PLEC: variants seen among roughly 807,000 people sequenced by gnomAD.
PLEC encodes plectin, also known as hemidesmosomal protein 1.
In PLEC, 216 loss-of-function variants were observed where a neutral mutation model predicts 392.8. That is an observed-to-expected ratio of 0.55 (90% CI 0.49 to 0.62). PLEC has a LOEUF of 0.62. PLEC is among the 20% of genes least tolerant of loss of function. The pLI is 0.00. For synonymous variants in PLEC, 3,621 were observed against 2,980.6 expected, an observed-to-expected ratio of 1.21 and a Z score of -7.00; for missense variants, 6,863 against 6,563.4, an observed-to-expected ratio of 1.05 and a Z score of -1.58.
intron 1 of PLEC, among the ~76,000 whole-genome samples, chr8:143,964,203 G>A (rs1351137440): frequency 2.6e-5 from 4 of 152,324 alleles, no homozygotes; most frequent in Admixed American, 1.3e-4. Context: ...TGGGGCAGAT[G>A]TAAGTTTTGA....
chr8:143,917,194 G>A lies in PLEC; in HGVS notation c.12627C>T (p.Ile4209=), dbSNP rs372573622. The A allele has an allele frequency of 2.4e-5, 39 of 1,612,862 alleles. No homozygotes were observed. The highest frequency in any genetic ancestry group is 1.2e-4 in the African/African-American group (9 of 75,062). ...SGRQYDIDDA[I]AKNLIDRSAL... ...CCGAGCGGTCGATGAGGTTCTTGGC[G>A]ATGGCATCATCGATGTCGTACTGGC... Residue 4209 remains isoleucine, a synonymous_variant, in exon 32 of 32, where the codon ATC becomes ATT. Transcript: ENST00000345136.
upstream of PLEC, chr8:143,951,017 C>G: frequency 2.0e-6 from 1 of 501,368 alleles, no homozygotes; most frequent in South Asian, 2.3e-5. Flanking sequence ...CGACGGGGCC[C>G]TTGTAGAGTG....
At chr8:143,950,770 C>G in exon 1 of PLEC, 1 of 1,532,548 alleles carries the variant, frequency 6.5e-7, no homozygotes, top group Non-Finnish European at 8.7e-7. Context: ...ACGAGAAGGC[C>G]CGGGGCGCTG....
At chr8:143,950,629 C>A in exon 1 of PLEC, 1 of 1,599,782 alleles carries the variant, frequency 6.3e-7, no homozygotes, top group Non-Finnish European at 8.5e-7. Context: ...CCTTCTTGGC[C>A]ACCATCACGC....
At chr8:143,932,063 GC>G (rs1177645748) in intron 17 of PLEC, 31 bp from the exon 18 acceptor site, 1 of 1,549,782 alleles carries the variant, frequency 6.5e-7, no homozygotes, top group African/African-American at 1.4e-5. Flanking sequence ...GTCAGGCCCC[GC>G]CCCGCCCCGC....
Position 143,924,422 on chromosome 8 carries a change from G to A in PLEC, c.5507C>T (p.Ala1836Val), listed in dbSNP as rs782216341. ...RQRAEAERVL[A>V]EKLAAIGEAT... ...CTCGCCGATGGCGGCCAGCTTCTCC[G>A]CAAGCACCCGCTCCGCCTCGGCCCG... The change falls in exon 31 of 32, where the codon GCG becomes GTG. Residue 1836 changes from alanine to valine, a missense_variant. Coordinates refer to ENST00000345136, the MANE Select transcript of PLEC (RefSeq NM_201384.3). 4.4e-5 allele frequency: 70 copies of A among 1,589,434 alleles called. No individual in the cohort carries two copies. The highest frequency in any genetic ancestry group is 2.0e-4 in the Admixed American group (12 of 59,476).
upstream of PLEC, chr8:143,943,995 C>G (rs1384396903): frequency 2.0e-6 from 3 of 1,521,682 alleles, no homozygotes; most frequent in South Asian, 2.4e-5. Flanking sequence ...GGGGGAGCGC[C>G]GGGACCGGAG....
At chr8:143,933,139 G>T in intron 13 of PLEC, 28 bp from the exon 14 acceptor site, 1 of 1,604,232 alleles carries the variant, frequency 6.2e-7, no homozygotes. Flanking sequence ...TCAGGTAGGT[G>T]TTGGCGGGCC....
chr8:143,942,659 G>T, upstream of PLEC: 1 of 1,084,728 alleles, frequency 9.2e-7, no homozygotes, highest in Non-Finnish European at 1.3e-6. Context: ...TCCGCCCACT[G>T]CGGGAGCGAG....
At chr8:143,938,571 C>T (rs1372263207) in intron 2 of PLEC, 60 bp downstream of exon 2, 2 of 1,581,862 alleles carry the variant, frequency 1.3e-6, no homozygotes, top group African/African-American at 2.7e-5. Flanking sequence ...AGGGGCCACC[C>T]TCCCTCAGCG....
rs782815818 is a variant in PLEC, at chr8:143,939,328, T to TGCCCGAGGGGA, written c.112+11_112+21dup. On this transcript the variant is annotated intron_variant, in intron 1 of 31. Coordinates refer to ENST00000345136, the MANE Select transcript of PLEC (RefSeq NM_201384.3). The stretch of plus-strand genomic sequence containing the variant: ...AGGGGCCCGCCCTGCCTGGCGGGGG[T>TGCCCGAGGGGA]GCCCGAGGGGAGCCCTGCTACCTTT... 1.7e-5 allele frequency: 28 copies of TGCCCGAGGGGA among 1,600,444 alleles called. No individual in the cohort carries two copies. In the Admixed American group the frequency reaches 4.8e-4, roughly 27 times the overall value.
upstream of PLEC, among the ~76,000 whole-genome samples, chr8:143,941,053 C>T (rs1409955015): frequency 1.3e-5 from 2 of 152,236 alleles, no homozygotes; most frequent in Non-Finnish European, 2.9e-5. Flanking sequence ...CCCAAGGGCA[C>T]CCCGGACCCC....
At chr8:143,956,128 A>G (rs1190384887), upstream of PLEC, among the ~76,000 whole-genome samples, 2 of 151,918 alleles carry the variant, frequency 1.3e-5, no homozygotes, top group Non-Finnish European at 2.9e-5. Context: ...TTGTATTTTC[A>G]GTTGAGATGG....
chr8:143,949,741 A>G (rs535198423), intron 1 of PLEC, among the ~76,000 whole-genome samples: 1 of 151,400 alleles, frequency 6.6e-6, no homozygotes, highest in South Asian at 2.1e-4. Context: ...TCACCCATCA[A>G]CCCCCGCGGC....
chr8:143,930,938 TGCCGACCTCAGAG>T (rs1422429688), intron 19 of PLEC, among the ~76,000 whole-genome samples: 1 of 152,132 alleles, frequency 6.6e-6, no homozygotes, highest in Non-Finnish European at 1.5e-5. Context: ...GGCCCAGCCC[TGCCGACCTCAGAG>T]GCCATTTCAG....
intron 1 of PLEC, among the ~76,000 whole-genome samples, chr8:143,960,859 T>C (rs1832839396): frequency 6.6e-6 from 1 of 152,232 alleles, no homozygotes; most frequent in Non-Finnish European, 1.5e-5. Context: ...AAATACCATG[T>C]GATTCTTGGT....
chr8:143,942,705 C>T (rs1275328636), upstream of PLEC, among the ~76,000 whole-genome samples: 1 of 152,386 alleles, frequency 6.6e-6, no homozygotes, highest in East Asian at 1.9e-4. Flanking sequence ...GGCGCGCAGC[C>T]CCGCCCAGCG....
chr8:143,945,900 G>A (rs1687878033), intron 1 of PLEC, among the ~76,000 whole-genome samples: 2 of 152,274 alleles, frequency 1.3e-5, no homozygotes, highest in African/African-American at 4.8e-5. Flanking sequence ...GGCGGCCAGG[G>A]GTCGGGCGGG....
At position 143,923,165 on chromosome 8, in the gene PLEC, A is replaced by T. The variant is rs1823516339; in HGVS notation, c.6764T>A (p.Ile2255Asn). 2 of 1,602,446 alleles carry T rather than the reference A, an allele frequency of 1.2e-6. No individual in the cohort carries two copies. The highest frequency in any genetic ancestry group is 1.7e-6 in the Non-Finnish European group (2 of 1,179,846). ...CTGCGTATTGTCCTTGTCACGCAAG[A>T]TGAGTGCGCGGTTCTCAGCCTCGAT... ...ARIEAENRALILRDKDNTQRF... is the reference protein window; with the variant it reads ...ARIEAENRALNLRDKDNTQRF... The change falls in exon 31 of 32, where the codon ATC (isoleucine) becomes AAC (asparagine). Residue 2255 changes from isoleucine (I) to asparagine (N), a missense_variant. Coordinates refer to ENST00000345136, the MANE Select transcript of PLEC (RefSeq NM_201384.3).
Sources: allele counts gnomAD v4.1 joint callset (sites outside exome capture counted in the v4.1 genomes callset), GRCh38; gene constraint gnomAD v4.1.1; transcripts MANE v1.5; gene names NCBI Gene and HGNC (gene_info 2026-07-23, HGNC 2026-07-21).